Variants in MORN1 observed in about 807,000 individuals in gnomAD.
MORN1 encodes the protein MORN repeat containing 1.
A neutral mutation model predicts 61.9 loss-of-function variants in MORN1; 67 were observed. The ratio of observed to expected loss-of-function variants is 1.08; its 90% CI spans 0.89 to 1.33. MORN1 has a LOEUF of 1.33. Among genes scored for constraint, MORN1 ranks in the 40% most tolerant of loss-of-function variants. MORN1 has a pLI of 0.00. For synonymous variants in MORN1, 301 were observed against 292.0 expected, an observed-to-expected ratio of 1.03 and a Z score of -0.31; for missense variants, 752 against 691.2, an observed-to-expected ratio of 1.09 and a Z score of -0.99.
At chr1:2,323,903 C>A (rs1385487844) in intron 13 of MORN1, 194 bp downstream of exon 13, 3 of 984,832 alleles carry the variant, frequency 3.0e-6, no homozygotes, top group Admixed American at 1.2e-4. Context: ...CCGTCCCCAG[C>A]CCCCAAGCCA....
chr1:2,360,185 C>T (rs1165930660), intron 8 of MORN1, among the ~76,000 whole-genome samples: 1 of 152,164 alleles, frequency 6.6e-6, no homozygotes, highest in Non-Finnish European at 1.5e-5. Flanking sequence ...CTATGGAGGA[C>T]AGGTTAACAG....
intron 10 of MORN1, among the ~76,000 whole-genome samples, chr1:2,344,523 G>A (rs1168288651): frequency 2.0e-5 from 3 of 152,208 alleles, no homozygotes; most frequent in African/African-American, 4.8e-5. Context: ...AGGAGGCCAG[G>A]AGCGGGGACC....
chr1:2,355,320 C>A, intron 10 of MORN1: 1 of 1,481,100 alleles, frequency 6.8e-7, no homozygotes, highest in Non-Finnish European at 9.0e-7. Flanking sequence ...GCCGCCTTGG[C>A]CTCCCGTGGA....
rs369176114 is a variant in MORN1, at chr1:2,322,453, T to TC, written c.1298-875dup. ...CTCCCCTCGCAGAGCGGCGGCCTCC[T>TC]CGGCCAGGCCACGGGCTCGGCCGCC... On this transcript the variant is annotated intron_variant, in intron 13 of 13. Coordinates refer to ENST00000378531, the MANE Select transcript of MORN1 (RefSeq NM_024848.3). 1,619 of 985,104 alleles carry TC rather than the reference T, an allele frequency of 1.6e-3. 18 individuals carry two copies. In the African/African-American group the frequency reaches 0.026, roughly 16 times the overall value. 61.0% of individuals were successfully genotyped at this position (985,104 alleles called of 1,614,324 possible). A position where few individuals can be genotyped will look rare whatever the true frequency, so the allele number is the denominator to read the frequency against.
chr1:2,382,354 C>A (rs1557892395), intron 6 of MORN1, among the ~76,000 whole-genome samples: 1 of 152,204 alleles, frequency 6.6e-6, no homozygotes, highest in South Asian at 2.1e-4. Flanking sequence ...AGCACCTCAG[C>A]TTCCTCACCT....
At chr1:2,327,269 A>C (rs1435522237) in intron 12 of MORN1, among the ~76,000 whole-genome samples, 32 of 147,796 alleles carry the variant, frequency 2.2e-4, no homozygotes, top group Admixed American at 2.1e-3. Flanking sequence ...CACAGAAACA[A>C]ACACAGAGAC....
chr1:2,363,930 T>C (rs1557883160), intron 8 of MORN1, among the ~76,000 whole-genome samples: 5 of 151,646 alleles, frequency 3.3e-5, no homozygotes, highest in Admixed American at 2.6e-4. Context: ...AATTAAAAAA[T>C]AGTAAAATGG....
intron 12 of MORN1, among the ~76,000 whole-genome samples, chr1:2,333,129 G>T (rs1418307570): frequency 1.3e-5 from 2 of 152,236 alleles, no homozygotes; most frequent in Non-Finnish European, 2.9e-5. Flanking sequence ...GTGACTGGGG[G>T]TGGCCAGAAT....
rs1265061930 is a variant in MORN1 at position 2,324,218 on chromosome 1, A to G, written c.1251-75T>C. ...CGACATGGCATCCCTGACCTGAACC[A>G]GGGCTAGTGGCTCCAGGGCAGATTC... On this transcript the variant is annotated intron_variant, in intron 12 of 13. Coordinates refer to ENST00000378531, the MANE Select transcript of MORN1 (RefSeq NM_024848.3). 8.9e-6 allele frequency: 13 copies of G among 1,468,106 alleles called. No individual in the cohort carries two copies. The Admixed American group carries it at 2.4e-4, about 27-fold the overall frequency. The allele number at this position is 1,468,106 out of a possible 1,614,324, so 90.9% of individuals were successfully genotyped here.
At position 2,321,362 on chromosome 1, in the gene MORN1, G is replaced by A; in HGVS notation, c.*21C>T. ...GTTTCCTTCCATTCACACCGAGGTGGCCTCCTGTGGACACGGGGCCTCACC... is the reference window on the plus strand; with the variant it reads ...GTTTCCTTCCATTCACACCGAGGTGACCTCCTGTGGACACGGGGCCTCACC... On this transcript the variant is annotated 3_prime_UTR_variant, in exon 14 of 14. Transcript: ENST00000378531. 2.1e-6 allele frequency: 3 copies of A among 1,448,166 alleles called. No homozygotes were observed. Among genetic ancestry groups the A allele is most frequent in the East Asian group, 2.6e-5 (1 of 38,092 alleles). 89.7% of individuals were successfully genotyped at this position (1,448,166 alleles called of 1,614,324 possible).
Position 2,372,228 on chromosome 1 carries a change from C to T in MORN1, c.745+253G>A. Reference sequence around the variant, plus strand: ...TGTGCACACCTGTGCAAGGCATACACACATATGCACACACATACAGGAGCA... The same window carrying T: ...TGTGCACACCTGTGCAAGGCATACATACATATGCACACACATACAGGAGCA... On this transcript the variant is annotated intron_variant, in intron 8 of 13. Transcript: ENST00000378531. The surrounding 1 kb of genome is among the most constrained non-coding windows in gnomAD (Gnocchi z 5.4). The T allele has an allele frequency of 4.4e-6, 2 of 456,622 alleles. No homozygotes were observed. Among genetic ancestry groups the T allele is most frequent in the Non-Finnish European group, 8.1e-6 (2 of 246,312 alleles). The allele number at this position is 456,622 out of a possible 1,614,324, so 28.3% of individuals were successfully genotyped here.
intron 10 of MORN1, among the ~76,000 whole-genome samples, chr1:2,342,466 T>A (rs1472319): frequency 6.6e-6 from 1 of 152,044 alleles, no homozygotes; most frequent in African/African-American, 2.4e-5. Flanking sequence ...CGTTTGGAGG[T>A]GACCAGACAC....
intron 13 of MORN1, chr1:2,322,364 G>T (rs1226619754): frequency 1.0e-6 from 1 of 985,290 alleles, no homozygotes; most frequent in Non-Finnish European, 1.2e-6. Context: ...GCTGAAATGG[G>T]GGCAGGAGTC....
intron 12 of MORN1, among the ~76,000 whole-genome samples, chr1:2,333,258 C>G (rs1809821): frequency 6.6e-6 from 1 of 152,150 alleles, no homozygotes; most frequent in African/African-American, 2.4e-5. Context: ...TGCAACAGGC[C>G]GGGGACAGGC....
chr1:2,381,990 CCT>C (rs1642382595), intron 6 of MORN1, among the ~76,000 whole-genome samples: 1 of 152,172 alleles, frequency 6.6e-6, no homozygotes, highest in African/African-American at 2.4e-5. Context: ...CTTGCCTGGT[CCT>C]CTCTCTTGGC....
At chr1:2,332,637 T>C (rs752908058) in intron 12 of MORN1, 3 of 456,494 alleles carry the variant, frequency 6.6e-6, no homozygotes, top group Admixed American at 4.7e-5. Context: ...CGTCTGGACA[T>C]GGAAGGGGTC....
intron 12 of MORN1, among the ~76,000 whole-genome samples, chr1:2,326,015 C>G (rs1194622600): frequency 6.6e-6 from 1 of 152,122 alleles, no homozygotes; most frequent in Non-Finnish European, 1.5e-5. Flanking sequence ...GCCTGCTGGG[C>G]TGGCACCCTC....
In MORN1 at chr1:2,389,957, T is replaced by C. The variant is rs1312700916; in HGVS notation, c.116A>G (p.Tyr39Cys). The part of the protein sequence containing the change: ...VYVYPNSFFR[Y>C]EGEWKAGRKH... Reference sequence around the variant, plus strand: ...CCTCCCTGCTTTCCATTCTCCTTCATATCGAAAGAAGGAATTTGGGTATAC... The same window carrying C: ...CCTCCCTGCTTTCCATTCTCCTTCACATCGAAAGAAGGAATTTGGGTATAC... Residue 39 changes from tyrosine to cysteine, a missense_variant, in exon 2 of 14, where the codon TAT (tyrosine) becomes TGT (cysteine). By Grantham distance (194) the Tyr-to-Cys change is radical. Transcript: ENST00000378531. The C allele has an allele frequency of 6.2e-7, 1 of 1,613,946 alleles. No individual in the cohort carries two copies. The highest frequency in any genetic ancestry group is 2.2e-5 in the East Asian group (1 of 44,894).
intron 12 of MORN1, among the ~76,000 whole-genome samples, chr1:2,325,119 T>TTCCTTCCC (rs1640980050): frequency 3.6e-5 from 2 of 55,626 alleles, no homozygotes; most frequent in Non-Finnish European, 3.3e-5. Flanking sequence ...CTTCCCTTCC[T>TTCCTTCCC]TCCCTTCCTT....
Sources: allele counts gnomAD v4.1 joint callset (sites outside exome capture counted in the v4.1 genomes callset), GRCh38; gene constraint gnomAD v4.1.1; non-coding constraint Gnocchi (gnomAD v3.1); transcripts MANE v1.5; gene names NCBI Gene and HGNC (gene_info 2026-07-23, HGNC 2026-07-21).